Variants in NCAM2 observed in about 807,000 individuals in gnomAD.
The protein encoded by NCAM2 is N-CAM-2.
Under a neutral mutation model 98.1 loss-of-function variants are expected in NCAM2, and 30 were observed. That is an observed-to-expected ratio of 0.31 (90% CI 0.23 to 0.41). The LOEUF is 0.41. NCAM2 is among the 10% of genes least tolerant of loss of function. NCAM2 has a pLI of 1.00. For missense variants in NCAM2, 867 were observed against 1,005.8 expected (o/e 0.86, Z 1.87); for synonymous variants, 368 against 342.4 (o/e 1.07, Z -0.83).
intron 1 of NCAM2, among the ~76,000 whole-genome samples, chr21:21,005,802 G>GC (rs200062852): frequency 7.5e-4 from 110 of 146,728 alleles, no homozygotes; most frequent in East Asian, 2.4e-3. Context: ...CCAGGAGAAC[G>GC]CCCCCCCCAA....
chr21:21,454,808 A>G (rs955406084), intron 12 of NCAM2, among the ~76,000 whole-genome samples: 1 of 151,972 alleles, frequency 6.6e-6, no homozygotes, highest in Non-Finnish European at 1.5e-5. Flanking sequence ...TTTAAGGAGA[A>G]AACACCTGCT....
chr21:21,275,147 A>G (rs2072676867), intron 1 of NCAM2, among the ~76,000 whole-genome samples: 1 of 152,122 alleles, frequency 6.6e-6, no homozygotes, highest in Non-Finnish European at 1.5e-5. Flanking sequence ...TTTATTTAAA[A>G]AGATAAATTT....
chr21:21,357,391 A>G (rs2075519598), intron 8 of NCAM2, among the ~76,000 whole-genome samples: 1 of 152,196 alleles, frequency 6.6e-6, no homozygotes, highest in Non-Finnish European at 1.5e-5. Context: ...AATTGGAAGC[A>G]TCTTTATATT....
At chr21:21,486,742 A>G (rs1282226973) in intron 15 of NCAM2, among the ~76,000 whole-genome samples, 1 of 152,208 alleles carries the variant, frequency 6.6e-6, no homozygotes, top group Non-Finnish European at 1.5e-5. Context: ...GAAGTTTTAC[A>G]TATCATAACT....
intron 1 of NCAM2, among the ~76,000 whole-genome samples, chr21:21,052,679 GGTGGCCT>G: frequency 6.6e-6 from 1 of 152,078 alleles, no homozygotes; most frequent in Non-Finnish European, 1.5e-5. Context: ...ATAGACCTCT[GGTGGCCT>G]GTAATCCTAC....
At chr21:21,220,848 C>T (rs925305853) in intron 1 of NCAM2, among the ~76,000 whole-genome samples, 1 of 152,158 alleles carries the variant, frequency 6.6e-6, no homozygotes, top group Non-Finnish European at 1.5e-5. Context: ...GATAAGATTG[C>T]CACAGGTGGC....
chr21:21,402,449 C>T (rs989826641), intron 9 of NCAM2, among the ~76,000 whole-genome samples: 4 of 152,076 alleles, frequency 2.6e-5, no homozygotes, highest in Middle Eastern at 3.2e-3. Flanking sequence ...TGAGGTCAGA[C>T]TGGTTCTCTG....
rs955406336 is a variant in NCAM2 at position 21,527,269 on chromosome 21, G to A, written c.2283-7268G>A. Among the ~76,000 whole-genome samples, 5 of 152,050 alleles carry A rather than the reference G, an allele frequency of 3.3e-5. No homozygotes were observed. The East Asian group carries it at 5.8e-4, about 18-fold the overall frequency. On this transcript the variant is annotated intron_variant, in intron 16 of 17. Transcript: ENST00000400546. ...TGGGATTACAGGCGCGTGCCATCAC[G>A]CCTGGCTAATTTTTTGTATTTTTAG...
chr21:21,107,982 G>A (rs2066383223), intron 1 of NCAM2, among the ~76,000 whole-genome samples: 1 of 151,908 alleles, frequency 6.6e-6, no homozygotes, highest in Admixed American at 6.6e-5. Flanking sequence ...GAATATTCTT[G>A]GTGTACGTTG....
intron 13 of NCAM2, 107 bp downstream of exon 13, chr21:21,466,832 T>G: frequency 8.6e-7 from 1 of 1,163,014 alleles, no homozygotes; most frequent in Non-Finnish European, 1.2e-6. Context: ...GAGACATGAA[T>G]TATGTCTTTG....
intron 9 of NCAM2, among the ~76,000 whole-genome samples, chr21:21,374,318 C>A (rs565770299): frequency 6.6e-6 from 1 of 151,510 alleles, no homozygotes; most frequent in African/African-American, 2.4e-5. Context: ...AGTAATTGGT[C>A]GATATCACTT....
intron 1 of NCAM2, among the ~76,000 whole-genome samples, chr21:21,221,865 C>A (rs2070181684): frequency 6.6e-6 from 1 of 151,954 alleles, no homozygotes; most frequent in South Asian, 2.1e-4. Context: ...AAGGAGATAC[C>A]ATCTATGTGA....
chr21:21,391,171 A>G (rs2076372394), intron 9 of NCAM2, among the ~76,000 whole-genome samples: 1 of 152,180 alleles, frequency 6.6e-6, no homozygotes, highest in African/African-American at 2.4e-5. Context: ...TGAGCAATAC[A>G]GCAAGACCCC....
In NCAM2 at chr21:21,132,059, G is replaced by A. The variant is rs567086532; in HGVS notation, c.55+133441G>A. Among the ~76,000 whole-genome samples, 8 of 152,328 alleles carry A rather than the reference G, an allele frequency of 5.3e-5. No individual in the cohort carries two copies. The East Asian group carries it at 1.5e-3, about 29-fold the overall frequency. ...ATCTGTTACTTCTCAAAGCTGAGGTGAAGAATCCTTTTCCTAATCTTTTCC... is the reference window on the plus strand; with the variant it reads ...ATCTGTTACTTCTCAAAGCTGAGGTAAAGAATCCTTTTCCTAATCTTTTCC... On this transcript the variant is annotated intron_variant, in intron 1 of 17. Transcript: ENST00000400546.
At position 21,453,396 on chromosome 21, in the gene NCAM2, T is replaced by A. The variant is rs1981633941; in HGVS notation, c.1655-13210T>A. On this transcript the variant is annotated intron_variant, in intron 12 of 17. Transcript: ENST00000400546. ...GGGCGTCCTGCCTGGAATGGCATGA[T>A]CAGAGAGAGGAATTAAATGAAGTAG... Among the ~76,000 whole-genome samples, 5 of 151,790 alleles carry A rather than the reference T, an allele frequency of 3.3e-5. No homozygotes were observed. In the South Asian group the frequency reaches 1.0e-3, roughly 31 times the overall value.
At position 21,109,826 on chromosome 21, in the gene NCAM2, A is replaced by C. The variant is rs115550987; in HGVS notation, c.55+111208A>C. On this transcript the variant is annotated intron_variant, in intron 1 of 17. Transcript: ENST00000400546. ...AACACAAGATTTGGCATGGGTTAAC[A>C]ACTCATTTACTATTTAAAGATAAGA... is the stretch of plus-strand genomic sequence containing the variant. Among the ~76,000 whole-genome samples the C allele has an allele frequency of 2.5e-3, 376 of 152,344 alleles. 3 individuals are homozygous for C. Among genetic ancestry groups the C allele is most frequent in the African/African-American group, 8.7e-3 (362 of 41,582 alleles).
intron 1 of NCAM2, among the ~76,000 whole-genome samples, chr21:21,253,850 G>A (rs1372078976): frequency 6.6e-6 from 1 of 152,168 alleles, no homozygotes; most frequent in Non-Finnish European, 1.5e-5. Flanking sequence ...TAGGTAACGA[G>A]CCTAGATTTC....
chr21:21,508,585 G>T (rs1015026855), intron 15 of NCAM2, among the ~76,000 whole-genome samples: 9 of 150,738 alleles, frequency 6.0e-5, no homozygotes, highest in South Asian at 2.1e-4. Flanking sequence ...CTTTTTCTTT[G>T]TTAATAAAAA....
At chr21:21,198,952 T>A (rs538137434) in intron 1 of NCAM2, among the ~76,000 whole-genome samples, 50 of 152,142 alleles carry the variant, frequency 3.3e-4, no homozygotes, top group Non-Finnish European at 3.4e-4. Flanking sequence ...TCAGGCTCAG[T>A]TAAGAGCTCC....
Sources: gnomAD v4.1 joint callset for allele counts (sites outside exome capture counted in the v4.1 genomes callset) on GRCh38, gnomAD v4.1.1 for gene constraint, MANE v1.5 for transcripts, NCBI Gene and HGNC (gene_info 2026-07-23, HGNC 2026-07-21) for gene names.